The following CNTLN variants were observed in gnomAD, a reference collection of about 807,000 sequenced individuals.
CNTLN encodes centlein, centrosomal protein.
Under a neutral mutation model 180.0 loss-of-function variants are expected in CNTLN, and 212 were observed. That is an observed-to-expected ratio of 1.18 (90% CI 1.05 to 1.32). CNTLN has a LOEUF of 1.32. Among genes scored for constraint, CNTLN ranks in the 40% most tolerant of loss-of-function variants. The pLI is 0.00. For synonymous variants in CNTLN, 722 were observed against 563.1 expected (o/e 1.28, Z -3.99); for missense variants, 2,095 against 1,610.9 (o/e 1.30, Z -5.14).
chr9:17,188,450 G>T (rs1821573577), intron 2 of CNTLN, among the ~76,000 whole-genome samples: 1 of 151,830 alleles, frequency 6.6e-6, no homozygotes, highest in Non-Finnish European at 1.5e-5. Context: ...GTCTTTTTTT[G>T]GCATTCTTTG....
chr9:17,289,138 G>A (rs529494077), intron 6 of CNTLN, among the ~76,000 whole-genome samples: 1,548 of 117,338 alleles, frequency 0.013, 335 homozygotes, highest in African/African-American at 0.059. Flanking sequence ...ATTTTGCAGC[G>A]GCTGGTACCA....
chr9:17,410,315 CT>C (rs1275304092), intron 16 of CNTLN, among the ~76,000 whole-genome samples: 1 of 152,120 alleles, frequency 6.6e-6, no homozygotes, highest in Non-Finnish European at 1.5e-5. Flanking sequence ...TGAGTACTTT[CT>C]CATGGTTATT....
At chr9:17,164,893 T>C (rs899883139) in intron 2 of CNTLN, among the ~76,000 whole-genome samples, 10 of 150,420 alleles carry the variant, frequency 6.6e-5, no homozygotes, top group Non-Finnish European at 8.9e-5. Flanking sequence ...TCAAGTGCAG[T>C]GGTGCAATCT....
the CNTLN span, among the ~76,000 whole-genome samples, chr9:17,527,244 A>C: frequency 6.6e-6 from 1 of 151,966 alleles, no homozygotes; most frequent in African/African-American, 2.4e-5. Flanking sequence ...TGACACTCCA[A>C]ATTCAGCCAC....
chr9:17,473,779 CG>C (rs1477634544), intron 23 of CNTLN, among the ~76,000 whole-genome samples: 1 of 152,066 alleles, frequency 6.6e-6, no homozygotes, highest in Non-Finnish European at 1.5e-5. Context: ...CTTATTACCC[CG>C]CCAAAGTAGT....
intron 5 of CNTLN, among the ~76,000 whole-genome samples, chr9:17,264,104 A>G (rs1310909647): frequency 6.9e-6 from 1 of 144,806 alleles, no homozygotes; most frequent in African/African-American, 2.7e-5. Context: ...TGTTTCAGAC[A>G]TGAAGTCCTG....
At chr9:17,204,351 T>C (rs1483967237) in intron 2 of CNTLN, among the ~76,000 whole-genome samples, 3 of 152,170 alleles carry the variant, frequency 2.0e-5, no homozygotes, top group Non-Finnish European at 4.4e-5. Flanking sequence ...TTTTGTTTGT[T>C]AGTTTTTTTG....
chr9:17,158,394 T>C (rs1228394949), intron 2 of CNTLN, among the ~76,000 whole-genome samples: 1 of 152,134 alleles, frequency 6.6e-6, no homozygotes, highest in African/African-American at 2.4e-5. Flanking sequence ...ATAATAGCCT[T>C]GTAAAATGAT....
At chr9:17,433,196 C>A (rs551729513) in intron 18 of CNTLN, among the ~76,000 whole-genome samples, 1 of 151,800 alleles carries the variant, frequency 6.6e-6, no homozygotes, top group South Asian at 2.1e-4. Flanking sequence ...TGACTTATAA[C>A]TGTCTTTAAA....
At chr9:17,375,253 G>C (rs1219313889) in intron 13 of CNTLN, among the ~76,000 whole-genome samples, 2 of 152,124 alleles carry the variant, frequency 1.3e-5, no homozygotes, top group South Asian at 2.1e-4. Flanking sequence ...AGAGTAGAAG[G>C]ATGGTCACCA....
intron 2 of CNTLN, among the ~76,000 whole-genome samples, chr9:17,213,681 G>A (rs1194517349): frequency 6.6e-6 from 1 of 152,120 alleles, no homozygotes; most frequent in Non-Finnish European, 1.5e-5. Flanking sequence ...TTATTATTGT[G>A]TGGGAGTCTA....
chr9:17,292,363 G>C (rs1047991258), intron 6 of CNTLN, among the ~76,000 whole-genome samples: 2 of 152,152 alleles, frequency 1.3e-5, no homozygotes, highest in African/African-American at 4.8e-5. Context: ...TGTTAGGTTA[G>C]GGAAGTTTTC....
At chr9:17,440,567 C>G (rs140158602) in intron 18 of CNTLN, among the ~76,000 whole-genome samples, 6 of 138,712 alleles carry the variant, frequency 4.3e-5, no homozygotes, top group African/African-American at 1.4e-4. Flanking sequence ...CCAGCCTGGG[C>G]GACGGAGCGA....
In CNTLN at chr9:17,278,983, A is replaced by T. The variant is rs1828490059; in HGVS notation, c.983+5117A>T. On this transcript the variant is annotated intron_variant, in intron 6 of 25. Coordinates refer to ENST00000380647, the MANE Select transcript of CNTLN (RefSeq NM_017738.4). ...GAAACAATAAGGCTCTCTGATGTGA[A>T]ATTGAGGAGATTATTACATCTTAGA... Among the ~76,000 whole-genome samples, 3 of 152,140 alleles carry T rather than the reference A, an allele frequency of 2.0e-5. No homozygotes were observed. In the South Asian group the frequency reaches 6.2e-4, roughly 32 times the overall value.
intron 2 of CNTLN, among the ~76,000 whole-genome samples, chr9:17,169,756 G>A (rs1820310015): frequency 6.6e-6 from 1 of 151,884 alleles, no homozygotes; most frequent in Admixed American, 6.6e-5. Flanking sequence ...CAATTGGTCT[G>A]TTTATCTGTG....
intron 5 of CNTLN, among the ~76,000 whole-genome samples, chr9:17,263,702 C>G (rs1277865081): frequency 7.0e-6 from 1 of 143,298 alleles, no homozygotes; most frequent in Non-Finnish European, 1.5e-5. Flanking sequence ...TCTCCAGCCC[C>G]TGTTGTTTCC....
chr9:17,263,497 A>T (rs1737754899), intron 5 of CNTLN, among the ~76,000 whole-genome samples: 1 of 151,524 alleles, frequency 6.6e-6, no homozygotes, highest in Non-Finnish European at 1.5e-5. Context: ...GTACCACAAT[A>T]AACATATGTG....
chr9:17,361,921 G>A (rs1219676353), intron 12 of CNTLN, among the ~76,000 whole-genome samples: 1 of 152,186 alleles, frequency 6.6e-6, no homozygotes, highest in Non-Finnish European at 1.5e-5. Flanking sequence ...CAGTGTAAGT[G>A]GATAGTAAAT....
In CNTLN at chr9:17,412,884, A is replaced by G. The variant is rs898158799; in HGVS notation, c.2797-2904A>G. ...GCCTAAAACAAAACAAAATAGACCT[A>G]AAACAAAAGCAATAGACTATCTCAG... On this transcript the variant is annotated intron_variant, in intron 16 of 25. Transcript: ENST00000380647. Among the ~76,000 whole-genome samples the G allele has an allele frequency of 6.6e-5, 10 of 152,342 alleles. 1 individual carries two copies. The South Asian group carries it at 2.1e-3, about 32-fold the overall frequency.
Sources: allele counts gnomAD v4.1 joint callset (sites outside exome capture counted in the v4.1 genomes callset), GRCh38; gene constraint gnomAD v4.1.1; transcripts MANE v1.5; gene names NCBI Gene and HGNC (gene_info 2026-07-23, HGNC 2026-07-21).